The following CSMD1 variants were observed in gnomAD, a reference collection of about 807,000 sequenced individuals.
CSMD1 encodes CUB and sushi domain-containing protein 1.
A neutral mutation model predicts 417.5 loss-of-function variants in CSMD1; 213 were observed. That is an observed-to-expected ratio of 0.51 (90% CI 0.46 to 0.57). CSMD1 has a LOEUF of 0.57. Among genes scored for constraint, CSMD1 ranks in the 20% least tolerant of loss-of-function variants. The probability of loss-of-function intolerance (pLI) is 0.00; values close to 1 mark genes in which losing one functional copy is unlikely to be tolerated. For synonymous variants in CSMD1, 2,862 were observed against 1,736.8 expected (o/e 1.65, Z -16.11); for missense variants, 6,923 against 4,529.7 (o/e 1.53, Z -15.17).
At chr8:4,762,167 G>A (rs1247458418) in intron 1 of CSMD1, among the ~76,000 whole-genome samples, 1 of 152,022 alleles carries the variant, frequency 6.6e-6, no homozygotes, top group Non-Finnish European at 1.5e-5. Flanking sequence ...CCTAGCAAAA[G>A]AGAACCAAAA....
At chr8:3,282,313 C>A (rs533734489) in intron 26 of CSMD1, among the ~76,000 whole-genome samples, 1 of 152,144 alleles carries the variant, frequency 6.6e-6, no homozygotes, top group South Asian at 2.1e-4. Flanking sequence ...GGACAGAGAG[C>A]ACGTGGGAAC....
chr8:3,035,607 T>A (rs1307498372), intron 50 of CSMD1, among the ~76,000 whole-genome samples: 2 of 152,218 alleles, frequency 1.3e-5, no homozygotes, highest in East Asian at 3.8e-4. Context: ...AGCATACAGA[T>A]ATCAAATGAA....
intron 3 of CSMD1, among the ~76,000 whole-genome samples, chr8:4,194,571 G>A (rs779133): frequency 0.57 from 86,221 of 151,994 alleles, 25,822 homozygotes; most frequent in Non-Finnish European, 0.66. Flanking sequence ...TAAAAAGTAC[G>A]CCATTTTCTT....
In CSMD1 at chr8:4,702,137, G is replaced by A. The variant is rs552506756; in HGVS notation, c.86-64579C>T. On this transcript the variant is annotated intron_variant, in intron 1 of 69. Coordinates refer to ENST00000635120, the MANE Select transcript of CSMD1 (RefSeq NM_033225.6). ...TGAGGTGGGCGAAGGTAGAGCACTA[G>A]GAAAAATAGCTAATGAATGCTGGGC... Among the ~76,000 whole-genome samples, 6 of 152,278 alleles carry A rather than the reference G, an allele frequency of 3.9e-5. No homozygotes were observed. In the South Asian group the frequency reaches 1.2e-3, roughly 32 times the overall value.
chr8:4,362,034 G>C (rs946901245), intron 3 of CSMD1, among the ~76,000 whole-genome samples: 2 of 152,082 alleles, frequency 1.3e-5, no homozygotes, highest in African/African-American at 2.4e-5. Context: ...ACAAGGATTA[G>C]AGGTAGGATA....
At chr8:4,280,986 T>A (rs918285542) in intron 3 of CSMD1, among the ~76,000 whole-genome samples, 1 of 152,158 alleles carries the variant, frequency 6.6e-6, no homozygotes, top group Non-Finnish European at 1.5e-5. Context: ...TAGAATAAAG[T>A]AGTGGTTTTT....
At chr8:3,938,652 T>C (rs1044881230) in intron 5 of CSMD1, among the ~76,000 whole-genome samples, 2 of 152,170 alleles carry the variant, frequency 1.3e-5, no homozygotes, top group East Asian at 1.9e-4. Context: ...GCAAGTCTCT[T>C]TGAAGTCTGC....
chr8:4,805,799 G>A (rs965917950), intron 1 of CSMD1, among the ~76,000 whole-genome samples: 1 of 152,164 alleles, frequency 6.6e-6, no homozygotes, highest in African/African-American at 2.4e-5. Context: ...ACGTTGAGAT[G>A]AAATGTGGTC....
chr8:4,030,178 G>C (rs1435411965), intron 4 of CSMD1, among the ~76,000 whole-genome samples: 2 of 136,748 alleles, frequency 1.5e-5, no homozygotes, highest in South Asian at 5.1e-4. Flanking sequence ...CTGAAGGATG[G>C]TAGCCTTCTT....
intron 2 of CSMD1, among the ~76,000 whole-genome samples, chr8:4,472,270 C>T (rs1301219975): frequency 6.6e-6 from 1 of 152,042 alleles, no homozygotes. Context: ...CAGATGCAGT[C>T]TCTTCTAATA....
At chr8:4,149,551 A>T (rs1273790107) in intron 3 of CSMD1, among the ~76,000 whole-genome samples, 1 of 152,224 alleles carries the variant, frequency 6.6e-6, no homozygotes. Context: ...AAAATATTTA[A>T]TTCTAAGTAC....
chr8:3,474,575 G>C (rs750250347), intron 11 of CSMD1, among the ~76,000 whole-genome samples: 3 of 152,080 alleles, frequency 2.0e-5, no homozygotes, highest in East Asian at 3.9e-4. Flanking sequence ...GAGTGTTTTG[G>C]TCTTTATGCA....
At position 3,190,110 on chromosome 8, in the gene CSMD1, G is replaced by A. The variant is rs1312937117; in HGVS notation, c.5200C>T (p.Pro1734Ser). The part of the protein sequence containing the change: ...RGFHFVYQAV[P>S]RTSDTQCSSV... ...CTGCATTGGGTGTCACTGGTACGAG[G>A]AACAGCTAGAAGCAAAGTACAGAAC... The change falls in exon 34 of 70, where the codon CCT (proline) becomes TCT (serine). Residue 1734 changes from proline (P) to serine (S), a missense_variant. By Grantham distance (74) the Pro-to-Ser change is moderately conservative. Coordinates refer to ENST00000635120, the MANE Select transcript of CSMD1 (RefSeq NM_033225.6). 6.3e-7 allele frequency: 1 copy of A among 1,583,050 alleles called. No homozygotes were observed. Among genetic ancestry groups the A allele is most frequent in the Admixed American group, 1.8e-5 (1 of 55,060 alleles).
intron 26 of CSMD1, among the ~76,000 whole-genome samples, chr8:3,277,741 CAG>C (rs966191084): frequency 2.6e-5 from 4 of 152,130 alleles, no homozygotes. Context: ...GGTGGACACT[CAG>C]GGGAGAAGCC....
chr8:4,051,873 C>T (rs1254445709), intron 3 of CSMD1, among the ~76,000 whole-genome samples: 1 of 131,226 alleles, frequency 7.6e-6, no homozygotes, highest in African/African-American at 3.0e-5. Context: ...TCTTTCCTTC[C>T]TCCTTTCTTC....
chr8:4,691,663 A>G (rs529427070), intron 1 of CSMD1, among the ~76,000 whole-genome samples: 1 of 152,316 alleles, frequency 6.6e-6, no homozygotes, highest in African/African-American at 2.4e-5. Context: ...GATGGAGTGA[A>G]AGGAACATCT....
chr8:4,114,743 T>C (rs899752398), intron 3 of CSMD1, among the ~76,000 whole-genome samples: 1 of 152,182 alleles, frequency 6.6e-6, no homozygotes, highest in Non-Finnish European at 1.5e-5. Flanking sequence ...TCCAACACTT[T>C]ACAGTTGAGT....
intron 1 of CSMD1, among the ~76,000 whole-genome samples, chr8:4,857,888 G>C (rs1801895915): frequency 6.6e-6 from 1 of 151,638 alleles, no homozygotes; most frequent in Non-Finnish European, 1.5e-5. Context: ...AATAGAAAAA[G>C]AGGGAATCCT....
intron 5 of CSMD1, among the ~76,000 whole-genome samples, chr8:3,804,138 G>C (rs990963485): frequency 1.3e-5 from 2 of 151,888 alleles, no homozygotes; most frequent in African/African-American, 2.4e-5. Context: ...CACCATGTTG[G>C]CCAGGCTGGT....
Sources: gnomAD v4.1 joint callset for allele counts (sites outside exome capture counted in the v4.1 genomes callset) on GRCh38, gnomAD v4.1.1 for gene constraint, MANE v1.5 for transcripts, NCBI Gene and HGNC (gene_info 2026-07-23, HGNC 2026-07-21) for gene names.